Variants in EPHB2 observed in about 807,000 individuals in gnomAD.
EPHB2 encodes the protein EPH receptor B2.
EPHB2 carries 18 observed loss-of-function variants against 96.4 expected under a neutral mutation model. The ratio of observed to expected loss-of-function variants is 0.19; its 90% CI spans 0.13 to 0.28. The LOEUF is 0.28. EPHB2 is among the 10% of genes least tolerant of loss of function. The pLI is 1.00. For missense variants in EPHB2, 989 were observed against 1,355.4 expected, an observed-to-expected ratio of 0.73 and a Z score of 4.25; for synonymous variants, 506 against 534.1, an observed-to-expected ratio of 0.95 and a Z score of 0.72.
At chr1:22,902,684 G>A (rs7340102) in intron 9 of EPHB2, among the ~76,000 whole-genome samples, 67,256 of 152,020 alleles carry the variant, frequency 0.44, 15,589 homozygotes, top group Admixed American at 0.51. Context: ...ACACAGCCTC[G>A]GTCTTCCTGG....
chr1:22,785,125 C>A, intron 3 of EPHB2, 49 bp downstream of exon 3: 1 of 1,607,744 alleles, frequency 6.2e-7, no homozygotes, highest in South Asian at 1.1e-5. Flanking sequence ...TAGAACTGGT[C>A]TTGGCTGCAG....
intron 3 of EPHB2, among the ~76,000 whole-genome samples, chr1:22,797,515 C>T (rs779555503): frequency 1.8e-4 from 28 of 152,074 alleles, no homozygotes; most frequent in Non-Finnish European, 3.7e-4. Context: ...TCCTTGGCCT[C>T]CTCTTCTCTC....
chr1:22,920,664 C>G lies in EPHB2; in HGVS notation c.*7094C>G, dbSNP rs979379153. The G allele has an allele frequency of 1.3e-5, 2 of 152,244 alleles. No individual in the cohort carries two copies. The highest frequency in any genetic ancestry group is 4.8e-5 in the African/African-American group (2 of 41,434). 9.4% of individuals were successfully genotyped at this position (152,244 alleles called of 1,614,324 possible). A position where few individuals can be genotyped will look rare whatever the true frequency, so the allele number is the denominator to read the frequency against. On this transcript the variant is annotated 3_prime_UTR_variant, in exon 16 of 16. Coordinates refer to ENST00000374630, the MANE Select transcript of EPHB2 (RefSeq NM_017449.5). Reference sequence around the variant, plus strand: ...GAGAGGGACTCTGATGGGCAGGGGGCACCAAGTTGAGCCTCTGAGGCTGGC... The same window carrying G: ...GAGAGGGACTCTGATGGGCAGGGGGGACCAAGTTGAGCCTCTGAGGCTGGC...
intron 3 of EPHB2, among the ~76,000 whole-genome samples, chr1:22,851,076 C>T (rs1010330582): frequency 1.3e-5 from 2 of 152,292 alleles, no homozygotes; most frequent in Non-Finnish European, 2.9e-5. Flanking sequence ...CTCACTGCAA[C>T]CTGAACCTCC....
intron 1 of EPHB2, among the ~76,000 whole-genome samples, chr1:22,756,426 C>G (rs1464430163): frequency 6.6e-6 from 1 of 152,108 alleles, no homozygotes; most frequent in Non-Finnish European, 1.5e-5. Flanking sequence ...GTCCTGGGCC[C>G]TGACCCGGCC....
intron 4 of EPHB2, 88 bp from the exon 5 acceptor site, chr1:22,864,789 C>A: frequency 1.2e-6 from 1 of 830,652 alleles, no homozygotes; most frequent in Non-Finnish European, 1.9e-6. Context: ...TTCAGAGGGG[C>A]TGAGCCAGAG....
intron 1 of EPHB2, among the ~76,000 whole-genome samples, chr1:22,753,740 ATCT>A (rs1279675452): frequency 6.6e-6 from 1 of 152,006 alleles, no homozygotes; most frequent in Non-Finnish European, 1.5e-5. Flanking sequence ...AAGGTTAAGG[ATCT>A]TCTTTGGACA....
intron 1 of EPHB2, among the ~76,000 whole-genome samples, chr1:22,726,977 G>A (rs1299831958): frequency 6.6e-6 from 1 of 152,194 alleles, no homozygotes; most frequent in African/African-American, 2.4e-5. Context: ...GCTGGAAAGG[G>A]GTAGGTTTGT....
intron 8 of EPHB2, among the ~76,000 whole-genome samples, chr1:22,896,110 C>T (rs773936464): frequency 1.3e-5 from 2 of 152,210 alleles, no homozygotes; most frequent in African/African-American, 2.4e-5. Flanking sequence ...TCAGAATAGA[C>T]TGAACCATAA....
In EPHB2 at chr1:22,913,942, G is replaced by C. The variant is rs912812063; in HGVS notation, c.*372G>C. Reference sequence around the variant, plus strand: ...GCAGTTTCTCTCCAACTCCCTCTGGGAAGGTGACCTGGCCAGAGCCAAGAA... The same window carrying C: ...GCAGTTTCTCTCCAACTCCCTCTGGCAAGGTGACCTGGCCAGAGCCAAGAA... On this transcript the variant is annotated 3_prime_UTR_variant, in exon 16 of 16. Transcript: ENST00000374630. This position sits in a 1 kb window ranked among gnomAD's most constrained non-coding sequence, Gnocchi z 4.1. 2 of 1,475,822 alleles carry C rather than the reference G, an allele frequency of 1.4e-6. No homozygotes were observed. The highest frequency in any genetic ancestry group is 2.8e-5 in the African/African-American group (2 of 70,572). The allele number at this position is 1,475,822 out of a possible 1,614,324, so 91.4% of individuals were successfully genotyped here. A position where few individuals can be genotyped will look rare whatever the true frequency, so the allele number is the denominator to read the frequency against.
rs533330924 is a variant in EPHB2 at position 22,919,708 on chromosome 1, G to C, written c.*6138G>C. ...CTGTTGAAGGAGAGGGAGCAGGAGAGGGAGGAGGGAGGAGGTCACAGCCAG... is the reference window on the plus strand; with the variant it reads ...CTGTTGAAGGAGAGGGAGCAGGAGACGGAGGAGGGAGGAGGTCACAGCCAG... On this transcript the variant is annotated 3_prime_UTR_variant, in exon 16 of 16. Transcript: ENST00000374630. The C allele has an allele frequency of 1.3e-5, 2 of 152,570 alleles. No homozygotes were observed. Among genetic ancestry groups the C allele is most frequent in the Admixed American group, 1.3e-4 (2 of 15,300 alleles). 9.5% of individuals were successfully genotyped at this position (152,570 alleles called of 1,614,324 possible).
chr1:22,771,907 A>C (rs570475048), intron 1 of EPHB2, among the ~76,000 whole-genome samples: 13 of 152,144 alleles, frequency 8.5e-5, no homozygotes, highest in African/African-American at 3.1e-4. Flanking sequence ...CTGATTTACT[A>C]TGTGGCCTTG....
intron 9 of EPHB2, among the ~76,000 whole-genome samples, 193 bp downstream of exon 9, chr1:22,896,671 C>G (rs1173268383): frequency 6.6e-6 from 1 of 152,176 alleles, no homozygotes; most frequent in Non-Finnish European, 1.5e-5. Flanking sequence ...AAGCGCTCTC[C>G]CCCTTTCCCT....
intron 11 of EPHB2, 146 bp from the exon 12 acceptor site, chr1:22,907,805 CTG>C (rs1639965151): frequency 1.1e-6 from 1 of 950,198 alleles, no homozygotes; most frequent in Non-Finnish European, 1.7e-6. Context: ...ACGGGCCTCT[CTG>C]GGGTCCCAAA....
chr1:22,855,645 A>C (rs1013952312), intron 3 of EPHB2, among the ~76,000 whole-genome samples: 1 of 152,238 alleles, frequency 6.6e-6, no homozygotes, highest in East Asian at 1.9e-4. Flanking sequence ...TGCTTAGCAC[A>C]TAGCAAATGG....
intron 1 of EPHB2, 112 bp from the exon 2 acceptor site, chr1:22,781,309 G>C: frequency 1.9e-6 from 2 of 1,064,406 alleles, no homozygotes; most frequent in Non-Finnish European, 2.7e-6. Flanking sequence ...GACAGAGCCA[G>C]ACTCCGTCTA....
chr1:22,872,150 G>A (rs1025298921), intron 5 of EPHB2, among the ~76,000 whole-genome samples: 2 of 152,074 alleles, frequency 1.3e-5, no homozygotes, highest in South Asian at 4.1e-4. Flanking sequence ...TCAATTCCAC[G>A]TGGCTGTGGG....
chr1:22,792,326 A>G (rs142783324), intron 3 of EPHB2, among the ~76,000 whole-genome samples: 105 of 152,190 alleles, frequency 6.9e-4, no homozygotes, highest in Admixed American at 1.4e-3. Flanking sequence ...ACCCCCACAT[A>G]GAAATTCTGC....
At chr1:22,880,769 G>A (rs916302637) in intron 5 of EPHB2, among the ~76,000 whole-genome samples, 6 of 152,354 alleles carry the variant, frequency 3.9e-5, no homozygotes, top group Middle Eastern at 3.4e-3. Flanking sequence ...CTCAGGAAGC[G>A]TGTGTAAAGG....
Sources: allele counts gnomAD v4.1 joint callset (sites outside exome capture counted in the v4.1 genomes callset), GRCh38; gene constraint gnomAD v4.1.1; non-coding constraint Gnocchi (gnomAD v3.1); transcripts MANE v1.5; gene names NCBI Gene and HGNC (gene_info 2026-07-23, HGNC 2026-07-21).